The following TTC6 variants were observed in gnomAD, a reference collection of about 807,000 sequenced individuals.
The protein encoded by TTC6 is tetratricopeptide repeat protein 6.
Under a neutral mutation model 210.4 loss-of-function variants are expected in TTC6, and 172 were observed. The ratio of observed to expected loss-of-function variants is 0.82; its 90% CI spans 0.72 to 0.93. The LOEUF is 0.93. TTC6 is among the 40% of genes least tolerant of loss of function. The pLI is 0.00. For missense variants in TTC6, 2,414 were observed against 2,318.1 expected, an observed-to-expected ratio of 1.04 and a Z score of -0.85; for synonymous variants, 804 against 819.6, an observed-to-expected ratio of 0.98 and a Z score of 0.32.
chr14:37,721,847 C>CATATATATATATATATATATATATAT (rs35265224), intron 6 of TTC6, among the ~76,000 whole-genome samples: 13 of 117,256 alleles, frequency 1.1e-4, no homozygotes, highest in Non-Finnish European at 2.0e-4. Context: ...TGAGTTTCAC[C>CATATATATATATATATATATATATAT]ATATATATAT....
At chr14:37,633,310 A>G (rs2095673688) in intron 1 of TTC6, among the ~76,000 whole-genome samples, 1 of 152,192 alleles carries the variant, frequency 6.6e-6, no homozygotes, top group Admixed American at 6.5e-5. Flanking sequence ...GGAAAAACAT[A>G]GTATCTGGGC....
At chr14:37,663,165 G>A (rs2095740874) in intron 1 of TTC6, among the ~76,000 whole-genome samples, 1 of 152,018 alleles carries the variant, frequency 6.6e-6, no homozygotes, top group Non-Finnish European at 1.5e-5. Flanking sequence ...TGGTAACGGT[G>A]AATGGGATTG....
At chr14:37,618,753 T>G (rs183441826), upstream of TTC6, among the ~76,000 whole-genome samples, 2 of 152,182 alleles carry the variant, frequency 1.3e-5, no homozygotes, top group African/African-American at 4.8e-5. Flanking sequence ...CCTGTTGGTT[T>G]AATTTTAGAT....
chr14:37,720,679 T>C (rs570507899), intron 6 of TTC6: 2 of 152,220 alleles, frequency 1.3e-5, no homozygotes, highest in South Asian at 4.1e-4. Context: ...AATTAACTAT[T>C]CATACATGCG....
intron 5 of TTC6, among the ~76,000 whole-genome samples, chr14:37,708,568 G>T (rs1270666621): frequency 6.6e-6 from 1 of 151,958 alleles, no homozygotes; most frequent in East Asian, 1.9e-4. Flanking sequence ...ATTTGTGAAA[G>T]GCCATTTTAT....
chr14:37,613,870 G>GT (rs1222829637), intron 2 of TTC6, among the ~76,000 whole-genome samples: 1 of 151,928 alleles, frequency 6.6e-6, no homozygotes, highest in African/African-American at 2.4e-5. Context: ...AGCCAGATGG[G>GT]TTTTTAAATT....
chr14:37,689,579 A>C (rs76744950), intron 3 of TTC6, among the ~76,000 whole-genome samples: 3,309 of 152,276 alleles, frequency 0.022, 53 homozygotes, highest in South Asian at 0.05. Flanking sequence ...AGCAAGAGAA[A>C]AGAAACAACA....
intron 3 of TTC6, among the ~76,000 whole-genome samples, chr14:37,692,958 C>T (rs2095807135): frequency 6.6e-6 from 1 of 152,024 alleles, no homozygotes; most frequent in African/African-American, 2.4e-5. Context: ...ATGGGGAAAA[C>T]TGAAAGCCTT....
chr14:37,817,364 G>T (rs2096144551), intron 25 of TTC6, among the ~76,000 whole-genome samples: 1 of 152,056 alleles, frequency 6.6e-6, no homozygotes, highest in Non-Finnish European at 1.5e-5. Flanking sequence ...ACAATAATAG[G>T]TTTCCTTTGT....
At chr14:37,737,795 A>G (rs1284958140) in intron 9 of TTC6, 61 bp downstream of exon 11, 8 of 930,594 alleles carry the variant, frequency 8.6e-6, no homozygotes, top group Non-Finnish European at 1.2e-5. Context: ...AGGAATAATA[A>G]TCACCTTATT....
intron 1 of TTC6, among the ~76,000 whole-genome samples, chr14:37,669,381 G>A (rs988954010): frequency 6.6e-6 from 1 of 152,132 alleles, no homozygotes; most frequent in African/African-American, 2.4e-5. Context: ...GAAGAGAAAG[G>A]ATCTCAAAAT....
intron 17 of TTC6, among the ~76,000 whole-genome samples, chr14:37,794,121 C>T (rs2096086740): frequency 6.6e-6 from 1 of 152,104 alleles, no homozygotes; most frequent in Non-Finnish European, 1.5e-5. Context: ...GTCAGGATTT[C>T]CTCAATGCAT....
In TTC6 at chr14:37,684,061, A is replaced by T. The variant is rs572751213; in HGVS notation, c.1257+1097A>T. On this transcript the variant is annotated intron_variant, in intron 3 of 30. Transcript: ENST00000553443. The stretch of plus-strand genomic sequence containing the variant: ...GTCAACTGGCCATTCCTCATTCTTC[A>T]ATTTTTGCCCGAGACTCCCAACTCT... 2.2e-4 allele frequency among the ~76,000 whole-genome samples: 34 copies of T among 151,904 alleles called. No individual in the cohort carries two copies. The South Asian group carries it at 6.9e-3, about 31-fold the overall frequency.
intron 5 of TTC6, among the ~76,000 whole-genome samples, chr14:37,702,412 T>C (rs1160443177): frequency 6.6e-6 from 1 of 152,140 alleles, no homozygotes; most frequent in Non-Finnish European, 1.5e-5. Flanking sequence ...ACTATATGAA[T>C]GTATGTGCTT....
chr14:37,741,220 A>G (rs918512351), intron 10 of TTC6, among the ~76,000 whole-genome samples: 7 of 149,876 alleles, frequency 4.7e-5, no homozygotes, highest in African/African-American at 1.7e-4. Flanking sequence ...ACTAACAACT[A>G]TGGAGCAACT....
intron 1 of TTC6, among the ~76,000 whole-genome samples, chr14:37,602,336 T>C (rs983872880): frequency 6.6e-6 from 1 of 152,206 alleles, no homozygotes; most frequent in African/African-American, 2.4e-5. Flanking sequence ...ATACAAAGTA[T>C]TTTAGTCTAC....
exon 1 of TTC6, chr14:37,622,457 G>A: frequency 6.5e-7 from 1 of 1,535,138 alleles, no homozygotes; most frequent in South Asian, 1.2e-5. Context: ...TACGGCACCA[G>A]GCCCTGAAAA....
chr14:37,727,501 G>A (rs1413428634), intron 7 of TTC6, among the ~76,000 whole-genome samples: 2 of 148,466 alleles, frequency 1.3e-5, no homozygotes, highest in African/African-American at 5.0e-5. Context: ...CACTGTTTTA[G>A]CTAGGATGGT....
At chr14:37,595,822 AC>A (rs1361360539), upstream of TTC6, 3 of 151,960 alleles carry the variant, frequency 2.0e-5, no homozygotes, top group Non-Finnish European at 4.4e-5. Context: ...ACTGGAGAAT[AC>A]AGACTTTTTT....
Sources: allele counts gnomAD v4.1 joint callset (sites outside exome capture counted in the v4.1 genomes callset), GRCh38; gene constraint gnomAD v4.1.1; transcripts MANE v1.5; gene names NCBI Gene and HGNC (gene_info 2026-07-23, HGNC 2026-07-21).